Variants in NCKAP5 observed in about 807,000 individuals in gnomAD.
NCKAP5 encodes the protein NCK associated protein 5, also known as nck-associated protein 5.
A neutral mutation model predicts 167.0 loss-of-function variants in NCKAP5; 92 were observed. The observed-to-expected ratio is 0.55, with a 90% CI of 0.47 to 0.66. The LOEUF (loss-of-function observed/expected upper bound fraction) is 0.66. Among genes scored for constraint, NCKAP5 ranks in the 30% least tolerant of loss-of-function variants. NCKAP5 has a pLI of 0.00. For synonymous variants in NCKAP5, 891 were observed against 877.4 expected, an observed-to-expected ratio of 1.02 and a Z score of -0.27; for missense variants, 2,378 against 2,315.0, an observed-to-expected ratio of 1.03 and a Z score of -0.56.
At chr2:133,652,480 G>T in the NCKAP5 span, among the ~76,000 whole-genome samples, 1 of 152,154 alleles carries the variant, frequency 6.6e-6, no homozygotes, top group Non-Finnish European at 1.5e-5. Context: ...ACGTATTGAC[G>T]GAGAATTCAT....
chr2:133,133,169 T>C (rs2082672303), intron 5 of NCKAP5, among the ~76,000 whole-genome samples: 1 of 152,184 alleles, frequency 6.6e-6, no homozygotes, highest in Admixed American at 6.5e-5. Flanking sequence ...TGGAGAACAG[T>C]TGCTGTTATT....
chr2:132,730,565 G>GA (rs778386299), intron 17 of NCKAP5, among the ~76,000 whole-genome samples: 2 of 152,172 alleles, frequency 1.3e-5, no homozygotes, highest in Non-Finnish European at 2.9e-5. Context: ...AGCAACATCT[G>GA]AAAAATCTCC....
intron 5 of NCKAP5, among the ~76,000 whole-genome samples, chr2:133,153,677 T>C (rs1168340740): frequency 6.6e-6 from 1 of 151,972 alleles, no homozygotes; most frequent in Non-Finnish European, 1.5e-5. Context: ...CACTCTCTCC[T>C]GTGTCCACTG....
At chr2:133,580,140 G>A in the NCKAP5 span, among the ~76,000 whole-genome samples, 4 of 152,222 alleles carry the variant, frequency 2.6e-5, no homozygotes, top group South Asian at 6.2e-4. Context: ...GCTTCCTTTC[G>A]GGAATTGTTT....
intron 5 of NCKAP5, among the ~76,000 whole-genome samples, chr2:133,142,108 A>G (rs2083021188): frequency 6.6e-6 from 1 of 152,188 alleles, no homozygotes; most frequent in Admixed American, 6.6e-5. Flanking sequence ...ATCATTAAAG[A>G]CCTATAAATG....
chr2:133,038,680 C>T (rs574670826), intron 6 of NCKAP5, among the ~76,000 whole-genome samples: 7 of 152,124 alleles, frequency 4.6e-5, no homozygotes, highest in Admixed American at 2.0e-4. Flanking sequence ...CCTCATTCTC[C>T]ATGACGTTTT....
chr2:133,586,817 C>T, the NCKAP5 span, among the ~76,000 whole-genome samples: 2 of 150,030 alleles, frequency 1.3e-5, no homozygotes, highest in Non-Finnish European at 3.0e-5. Flanking sequence ...AGGCAGGTAG[C>T]GTGAGTGAGG....
intron 19 of NCKAP5, among the ~76,000 whole-genome samples, chr2:132,706,939 C>G (rs1274655822): frequency 6.6e-6 from 1 of 152,150 alleles, no homozygotes; most frequent in African/African-American, 2.4e-5. Context: ...CTAAAAAGAA[C>G]ATAAGAAGCT....
At chr2:132,737,680 CCACT>C (rs1351164021) in intron 16 of NCKAP5, among the ~76,000 whole-genome samples, 1 of 152,170 alleles carries the variant, frequency 6.6e-6, no homozygotes, top group African/African-American at 2.4e-5. Flanking sequence ...AAATTAGATC[CCACT>C]ATCTTCATTA....
chr2:132,828,213 C>T (rs1211178728), intron 11 of NCKAP5, among the ~76,000 whole-genome samples: 1 of 152,100 alleles, frequency 6.6e-6, no homozygotes, highest in African/African-American at 2.4e-5. Context: ...CATAAATGGT[C>T]CAATCTGTGC....
intron 3 of NCKAP5, among the ~76,000 whole-genome samples, chr2:133,370,901 T>G (rs1574820256): frequency 6.6e-6 from 1 of 152,174 alleles, no homozygotes; most frequent in African/African-American, 2.4e-5. Context: ...GTTGCAGGTC[T>G]TCAAATGTAT....
intron 4 of NCKAP5, among the ~76,000 whole-genome samples, chr2:133,237,703 C>A (rs2087488337): frequency 6.6e-6 from 1 of 152,202 alleles, no homozygotes; most frequent in Non-Finnish European, 1.5e-5. Flanking sequence ...GCAGAGGCTG[C>A]TGCTTTGAAA....
intron 5 of NCKAP5, among the ~76,000 whole-genome samples, chr2:133,201,470 CTG>C (rs1488299114): frequency 6.6e-6 from 1 of 152,108 alleles, no homozygotes; most frequent in Non-Finnish European, 1.5e-5. Context: ...AGAGTACACA[CTG>C]TAAACATTTA....
intron 4 of NCKAP5, among the ~76,000 whole-genome samples, chr2:133,227,129 T>G (rs2086928371): frequency 6.6e-6 from 1 of 152,162 alleles, no homozygotes; most frequent in African/African-American, 2.4e-5. Flanking sequence ...ATATGAAAAT[T>G]TATAACTCTA....
At position 132,883,818 on chromosome 2, in the gene NCKAP5, A is replaced by T. The variant is rs183609941; in HGVS notation, c.580-4902T>A. ...TGATAATGCAGAAGGCATGGGTTATATGTGGTTTTATTTGTGTTTCCTGGT... is the reference window on the plus strand; with the variant it reads ...TGATAATGCAGAAGGCATGGGTTATTTGTGGTTTTATTTGTGTTTCCTGGT... On this transcript the variant is annotated intron_variant, in intron 8 of 19. Transcript: ENST00000409261. Among the ~76,000 whole-genome samples the T allele has an allele frequency of 6.7e-3, 1,015 of 152,342 alleles. 3 individuals are homozygous for T. Among genetic ancestry groups the T allele is most frequent in the African/African-American group, 0.023 (939 of 41,582 alleles).
In NCKAP5 at chr2:132,949,806, C is replaced by T. The variant is rs1189186483; in HGVS notation, c.579+13914G>A. ...GGTGAACATGGAATAAATACATTAACGTTTAGGCTGGGCGCAGTCACTCAT... is the reference window on the plus strand; with the variant it reads ...GGTGAACATGGAATAAATACATTAATGTTTAGGCTGGGCGCAGTCACTCAT... On this transcript the variant is annotated intron_variant, in intron 8 of 19. Transcript: ENST00000409261. Among the ~76,000 whole-genome samples the T allele has an allele frequency of 3.9e-5, 6 of 152,126 alleles. No homozygotes were observed. In the East Asian group the frequency reaches 5.8e-4, roughly 15 times the overall value.
At position 132,709,813 on chromosome 2, in the gene NCKAP5, A is replaced by G. The variant is rs762092588; in HGVS notation, c.5713+15814T>C. ...TATACAACTTATAAAGAACTGAAAA[A>G]TAGGGAATATTTCCCATTCATTTTA... On this transcript the variant is annotated intron_variant, in intron 19 of 19. Coordinates refer to ENST00000409261, the MANE Select transcript of NCKAP5 (RefSeq NM_207363.3). 4.4e-4 allele frequency among the ~76,000 whole-genome samples: 67 copies of G among 152,280 alleles called. 2 individuals are homozygous for G. Among genetic ancestry groups the G allele is most frequent in the Middle Eastern group, 3.4e-3 (1 of 294 alleles).
intron 3 of NCKAP5, among the ~76,000 whole-genome samples, chr2:133,462,922 T>C (rs141048012): frequency 2.3e-4 from 35 of 152,344 alleles, no homozygotes; most frequent in Middle Eastern, 6.8e-3. Context: ...CCTCTCATTA[T>C]TGGTTTCACC....
At chr2:133,558,456 A>G (rs1687905124) in intron 2 of NCKAP5, among the ~76,000 whole-genome samples, 1 of 152,054 alleles carries the variant, frequency 6.6e-6, no homozygotes, top group African/African-American at 2.4e-5. Context: ...ATAGACAGAG[A>G]GATGTGAAAG....
Sources: gnomAD v4.1 joint callset for allele counts (sites outside exome capture counted in the v4.1 genomes callset) on GRCh38, gnomAD v4.1.1 for gene constraint, MANE v1.5 for transcripts, NCBI Gene and HGNC (gene_info 2026-07-23, HGNC 2026-07-21) for gene names.